CFAP77: variants seen among roughly 807,000 people sequenced by gnomAD.
CFAP77 encodes the protein cilia- and flagella-associated protein 77.
A neutral mutation model predicts 31.1 loss-of-function variants in CFAP77; 25 were observed. The observed-to-expected ratio is 0.80, with a 90% confidence interval of 0.59 to 1.12. CFAP77 has a LOEUF of 1.12. Among genes scored for constraint, CFAP77 ranks in the 50% most tolerant of loss-of-function variants. The probability of loss-of-function intolerance (pLI) is 0.00; values close to 1 mark genes in which losing one functional copy is unlikely to be tolerated. For missense variants in CFAP77, 377 were observed against 397.3 expected (o/e 0.95, Z 0.44); for synonymous variants, 151 against 159.9 (o/e 0.94, Z 0.42).
At chr9:132,485,242 A>T (rs1209911021) in intron 1 of CFAP77, among the ~76,000 whole-genome samples, 1 of 152,216 alleles carries the variant, frequency 6.6e-6, no homozygotes, top group African/African-American at 2.4e-5. Context: ...CTTTTTATTA[A>T]GAAGCTTCCA....
chr9:132,491,766 G>T (rs1482694875), intron 1 of CFAP77, among the ~76,000 whole-genome samples: 1 of 152,088 alleles, frequency 6.6e-6, no homozygotes, highest in Non-Finnish European at 1.5e-5. Context: ...TTTAATATTA[G>T]AATTATTTTG....
In CFAP77 at chr9:132,550,205, G is replaced by A. The variant is rs576255554; in HGVS notation, c.732+7158G>A. ...TGCCCCCTTCATCCTTCCAGCTCCA[G>A]AGGCTTTTCTGTCTAATCTAGAAGG... On this transcript the variant is annotated intron_variant, in intron 5 of 5. Transcript: ENST00000393216. 8.0e-4 allele frequency among the ~76,000 whole-genome samples: 122 copies of A among 152,366 alleles called. 1 individual carries two copies. Among genetic ancestry groups the A allele is most frequent in the African/African-American group, 4.6e-4 (19 of 41,590 alleles).
At chr9:132,446,703 T>C (rs1189454391) in intron 1 of CFAP77, among the ~76,000 whole-genome samples, 1 of 136,556 alleles carries the variant, frequency 7.3e-6, no homozygotes, top group African/African-American at 2.8e-5. Context: ...ATCACACCAC[T>C]GCACTCCAGC....
intron 3 of CFAP77, among the ~76,000 whole-genome samples, chr9:132,509,868 G>A (rs1257823475): frequency 6.6e-6 from 1 of 152,064 alleles, no homozygotes; most frequent in Non-Finnish European, 1.5e-5. Context: ...CTCCCAGGAA[G>A]CCCAGCCTCC....
At chr9:132,484,549 T>C (rs147932076) in intron 1 of CFAP77, among the ~76,000 whole-genome samples, 16 of 152,316 alleles carry the variant, frequency 1.1e-4, no homozygotes, top group Non-Finnish European at 1.8e-4. Flanking sequence ...TCCATCCACA[T>C]TGTAACATGG....
chr9:132,430,078 C>G (rs1850386091), intron 1 of CFAP77, among the ~76,000 whole-genome samples: 1 of 152,110 alleles, frequency 6.6e-6, no homozygotes, highest in Non-Finnish European at 1.5e-5. Context: ...CACTCCCTGG[C>G]TCCGTGGCCT....
At chr9:132,426,708 A>G (rs1850323626) in intron 1 of CFAP77, among the ~76,000 whole-genome samples, 1 of 152,150 alleles carries the variant, frequency 6.6e-6, no homozygotes, top group Non-Finnish European at 1.5e-5. Flanking sequence ...CCCACTTTCC[A>G]TCACTGTTTG....
At chr9:132,487,123 A>G (rs545701102) in intron 1 of CFAP77, among the ~76,000 whole-genome samples, 1 of 152,368 alleles carries the variant, frequency 6.6e-6, no homozygotes, top group Non-Finnish European at 1.5e-5. Context: ...CAGTCTTAAC[A>G]ATAAGACAGC....
rs1852163150 is a variant in CFAP77 at position 132,517,156 on chromosome 9, G to T, written c.524+17556G>T. Among the ~76,000 whole-genome samples the T allele has an allele frequency of 6.6e-6, 1 of 152,094 alleles. No homozygotes were observed. Among genetic ancestry groups the T allele is most frequent in the Non-Finnish European group, 1.5e-5 (1 of 68,020 alleles). On this transcript the variant is annotated intron_variant, in intron 3 of 5. Coordinates refer to ENST00000393216, the MANE Select transcript of CFAP77 (RefSeq NM_001282957.2). The surrounding 1 kb of genome is among the most constrained non-coding windows in gnomAD (Gnocchi z 4.7). Reference sequence around the variant, plus strand: ...ATTTCGTATCGTGGAGAGAAGCCCAGCCCTCCAGCCTTCTCCCTCCTCCCA... The same window carrying T: ...ATTTCGTATCGTGGAGAGAAGCCCATCCCTCCAGCCTTCTCCCTCCTCCCA...
intron 3 of CFAP77, among the ~76,000 whole-genome samples, chr9:132,519,089 C>A (rs913458894): frequency 6.6e-6 from 1 of 151,838 alleles, no homozygotes; most frequent in African/African-American, 2.4e-5. Context: ...TGCTCTGTGA[C>A]CCCAGAGGGC....
chr9:132,523,595 C>G (rs1473593519), intron 3 of CFAP77, among the ~76,000 whole-genome samples: 1 of 152,190 alleles, frequency 6.6e-6, no homozygotes, highest in African/African-American at 2.4e-5. Context: ...CAGTGAACAA[C>G]TGGGAGGCAC....
chr9:132,439,652 C>T (rs1413045310), intron 1 of CFAP77, among the ~76,000 whole-genome samples: 1 of 151,980 alleles, frequency 6.6e-6, no homozygotes, highest in Non-Finnish European at 1.5e-5. Context: ...CGAGACCATC[C>T]TGGCTAACAT....
chr9:132,488,134 G>A (rs138659434), intron 1 of CFAP77, among the ~76,000 whole-genome samples: 25 of 152,306 alleles, frequency 1.6e-4, no homozygotes, highest in Non-Finnish European at 3.1e-4. Flanking sequence ...TAGTTTAGAC[G>A]CAGGGCTGGA....
At chr9:132,482,516 G>A (rs1851467018) in intron 1 of CFAP77, 10 of 842,730 alleles carry the variant, frequency 1.2e-5, no homozygotes, top group Middle Eastern at 3.1e-4. Context: ...CTGGGCACCC[G>A]TGGCGCTTCA....
At chr9:132,550,060 G>A (rs923427386) in intron 5 of CFAP77, among the ~76,000 whole-genome samples, 2 of 152,210 alleles carry the variant, frequency 1.3e-5, no homozygotes, top group Admixed American at 1.3e-4. Context: ...AGTTCCTAGA[G>A]CAGCACTCAG....
rs1852595386 is a variant in CFAP77, at chr9:132,539,015, A to G, written c.630+1309A>G. 6.6e-6 allele frequency among the ~76,000 whole-genome samples: 1 copy of G among 152,200 alleles called. No homozygotes were observed. The highest frequency in any genetic ancestry group is 1.9e-4 in the East Asian group (1 of 5,200). On this transcript the variant is annotated intron_variant, in intron 4 of 5. Coordinates refer to ENST00000393216, the MANE Select transcript of CFAP77 (RefSeq NM_001282957.2). This position sits in a 1 kb window ranked among gnomAD's most constrained non-coding sequence, Gnocchi z 4.3. The stretch of plus-strand genomic sequence containing the variant: ...GGCAAGAGAGTTGCTTGGACCCAGG[A>G]GGTGGAGGTTGCAGTGAGCCAAGAT...
At chr9:132,431,074 C>T (rs1850402733) in intron 1 of CFAP77, among the ~76,000 whole-genome samples, 1 of 152,132 alleles carries the variant, frequency 6.6e-6, no homozygotes, top group Admixed American at 6.5e-5. Context: ...GGGAAGAATC[C>T]AGGAAAGGAG....
chr9:132,446,165 G>A (rs1850710764), intron 1 of CFAP77, among the ~76,000 whole-genome samples: 1 of 152,068 alleles, frequency 6.6e-6, no homozygotes, highest in South Asian at 2.1e-4. Flanking sequence ...GAGCACATGA[G>A]AACTTGATCC....
chr9:132,510,188 A>G (rs548522), intron 3 of CFAP77, among the ~76,000 whole-genome samples: 61,489 of 151,964 alleles, frequency 0.4, 13,011 homozygotes, highest in African/African-American at 0.52. Flanking sequence ...GCCAAGGTCA[A>G]CGCTAACGAG....
Sources: gnomAD v4.1 joint callset for allele counts (sites outside exome capture counted in the v4.1 genomes callset) on GRCh38, gnomAD v4.1.1 for gene constraint, Gnocchi (gnomAD v3.1) non-coding constraint, MANE v1.5 for transcripts, NCBI Gene and HGNC (gene_info 2026-07-23, HGNC 2026-07-21) for gene names.